The following CD2AP variants were observed in gnomAD, a reference collection of about 807,000 sequenced individuals.
The protein encoded by CD2AP is CD2 associated protein.
CD2AP carries 46 observed loss-of-function variants against 85.1 expected under a neutral mutation model. That is an observed-to-expected ratio of 0.54 (90% confidence interval 0.43 to 0.69). The LOEUF (loss-of-function observed/expected upper bound fraction) is 0.69. CD2AP is among the 30% of genes least tolerant of loss of function. The probability of loss-of-function intolerance (pLI) is 0.00; values close to 1 mark genes in which losing one functional copy is unlikely to be tolerated. For missense variants in CD2AP, 769 were observed against 729.5 expected (o/e 1.05, Z -0.62); for synonymous variants, 255 against 252.9 (o/e 1.01, Z -0.08).
Position 47,576,322 on chromosome 6 carries a change from A to G in CD2AP, c.730-202A>G, listed in dbSNP as rs113186443. Among the ~76,000 whole-genome samples, 2,377 of 152,278 alleles carry G rather than the reference A, an allele frequency of 0.016. 43 individuals are homozygous for G. The highest frequency in any genetic ancestry group is 0.038 in the African/African-American group (1,593 of 41,562). Reference sequence around the variant, plus strand: ...GAGAATATTATCTTTGAGACAAGGAATCTTTAAATTGGTAGCTCTGAGCTA... The same window carrying G: ...GAGAATATTATCTTTGAGACAAGGAGTCTTTAAATTGGTAGCTCTGAGCTA... On this transcript the variant is annotated intron_variant, in intron 6 of 17. Transcript: ENST00000359314.
At chr6:47,526,572 A>G (rs939502901) in intron 2 of CD2AP, among the ~76,000 whole-genome samples, 2 of 152,178 alleles carry the variant, frequency 1.3e-5, no homozygotes, top group Admixed American at 1.3e-4. Flanking sequence ...AGGTTCCTAA[A>G]ATGGTTCTAG....
At chr6:47,606,755 A>G (rs1769287471) in intron 14 of CD2AP, among the ~76,000 whole-genome samples, 1 of 152,112 alleles carries the variant, frequency 6.6e-6, no homozygotes, top group African/African-American at 2.4e-5. Flanking sequence ...TGAAATGCAT[A>G]ATAATTATAT....
chr6:47,610,971 A>ATATATATATATATATATATTTTTTTTT, intron 16 of CD2AP, among the ~76,000 whole-genome samples: 5 of 112,908 alleles, frequency 4.4e-5, no homozygotes, highest in Admixed American at 1.8e-4. Context: ...ATATATATGT[A>ATATATATATATATATATATTTTTTTTT]TTTTTTTTTT....
rs900964982 is a variant in CD2AP, at chr6:47,625,221, T to A, written c.*994T>A. On this transcript the variant is annotated 3_prime_UTR_variant, in exon 18 of 18. Transcript: ENST00000359314. ...TAATAGGAAAACAAAACCCAAAGCT[T>A]TTCAGAACTTCAGTGTGAGGTTTCC... The A allele has an allele frequency of 2.0e-5, 3 of 151,888 alleles. No individual in the cohort carries two copies. Among genetic ancestry groups the A allele is most frequent in the Non-Finnish European group, 4.4e-5 (3 of 67,814 alleles). The allele number at this position is 151,888 out of a possible 1,614,324, so 9.4% of individuals were successfully genotyped here. A position where few individuals can be genotyped will look rare whatever the true frequency, so the allele number is the denominator to read the frequency against.
At chr6:47,559,302 G>C (rs932565537) in intron 5 of CD2AP, among the ~76,000 whole-genome samples, 1 of 148,736 alleles carries the variant, frequency 6.7e-6, no homozygotes, top group Non-Finnish European at 1.5e-5. Flanking sequence ...CTTTGTTGCC[G>C]AGCCTGGTGT....
Position 47,612,489 on chromosome 6 carries a change from C to A in CD2AP, c.1831C>A (p.Leu611Met). The A allele has an allele frequency of 6.2e-7, 1 of 1,604,414 alleles. No homozygotes were observed. Among genetic ancestry groups the A allele is most frequent in the Non-Finnish European group, 8.5e-7 (1 of 1,171,716 alleles). ...KKDHGKELEK[L>M]RKDLEEEKTM... Reference sequence around the variant, plus strand: ...TGTTTTTAGGAAAGAACTGGAAAAACTGCGAAAAGATTTGGAAGAAGAGAA... The same window carrying A: ...TGTTTTTAGGAAAGAACTGGAAAAAATGCGAAAAGATTTGGAAGAAGAGAA... The change falls in exon 17 of 18, where the codon CTG (leucine) becomes ATG (methionine). Residue 611 changes from leucine to methionine, a missense_variant. Transcript: ENST00000359314.
At chr6:47,617,133 T>G (rs916114500) in intron 17 of CD2AP, among the ~76,000 whole-genome samples, 1 of 151,978 alleles carries the variant, frequency 6.6e-6, no homozygotes, top group African/African-American at 2.4e-5. Context: ...CCTGGTTAAT[T>G]TTTCAGTTTT....
Position 47,489,967 on chromosome 6 carries a change from CTTTTTTTTT to C in CD2AP, c.4+11734_4+11742del, listed in dbSNP as rs71684059. On this transcript the variant is annotated intron_variant, in intron 1 of 17. Transcript: ENST00000359314. ...TGAGTAACTATTTTCTCTAAAGAGA[CTTTTTTTTT>C]TTTTTTTTTTTTTTAAAGGAACAGG... 2.9e-3 allele frequency among the ~76,000 whole-genome samples: 349 copies of C among 121,686 alleles called. 1 individual carries two copies. The highest frequency in any genetic ancestry group is 0.012 in the Middle Eastern group (3 of 258). The allele number at this position is 121,686 out of a possible 152,430, so 79.8% of individuals were successfully genotyped here.
rs1251792858 is a variant in CD2AP, at chr6:47,626,240, CAGAAT to C, written c.*2018_*2022del. On this transcript the variant is annotated 3_prime_UTR_variant, in exon 18 of 18. Coordinates refer to ENST00000359314, the MANE Select transcript of CD2AP (RefSeq NM_012120.3). ...AGTTTTTGCTTGTGTCCTCCTCAGT[CAGAAT>C]AGAAAAGTAACTGAAATACTTTTAC... 2 of 151,982 alleles carry C rather than the reference CAGAAT, an allele frequency of 1.3e-5. No individual in the cohort carries two copies. Among genetic ancestry groups the C allele is most frequent in the Non-Finnish European group, 2.9e-5 (2 of 67,812 alleles). The allele number at this position is 151,982 out of a possible 1,614,324, so 9.4% of individuals were successfully genotyped here.
At chr6:47,517,472 G>A (rs1366735253) in intron 2 of CD2AP, among the ~76,000 whole-genome samples, 8 of 151,720 alleles carry the variant, frequency 5.3e-5, no homozygotes, top group African/African-American at 1.2e-4. Context: ...TCTATTTTTT[G>A]TGGAGGTGGG....
rs1767627899 is a variant in CD2AP at position 47,554,655 on chromosome 6, G to C, written c.430G>C (p.Gly144Arg). The C allele has an allele frequency of 1.2e-6, 2 of 1,613,582 alleles. No individual in the cohort carries two copies. The highest frequency in any genetic ancestry group is 2.7e-5 in the African/African-American group (2 of 74,902). Residue 144 changes from glycine (G) to arginine (R), a missense_variant, in exon 5 of 18, where the codon GGC becomes CGC. Coordinates refer to ENST00000359314, the MANE Select transcript of CD2AP (RefSeq NM_012120.3). ...TTGTGAACTTTTTCAGGTAGAAGAA[G>C]GCTGGTGGAGTGGAACCCTGAATAA... Reference protein sequence around the residue: ...IIDINEEVEEGWWSGTLNNKL... With the variant: ...IIDINEEVEERWWSGTLNNKL...
intron 16 of CD2AP, among the ~76,000 whole-genome samples, chr6:47,609,707 A>C (rs902015475): frequency 2.6e-5 from 4 of 151,934 alleles, no homozygotes; most frequent in African/African-American, 9.7e-5. Flanking sequence ...CTCAAAAAAA[A>C]GTCTCTGGTA....
rs867025019 is a variant in CD2AP at position 47,627,179 on chromosome 6, A to C, written c.*2952A>C. 1 of 152,452 alleles carries C rather than the reference A, an allele frequency of 6.6e-6. No individual in the cohort carries two copies. Among genetic ancestry groups the C allele is most frequent in the East Asian group, 1.9e-4 (1 of 5,204 alleles). The allele number at this position is 152,452 out of a possible 1,614,324, so 9.4% of individuals were successfully genotyped here. On this transcript the variant is annotated 3_prime_UTR_variant, in exon 18 of 18. Transcript: ENST00000359314. ...TTGGTTATTTTTTGTTAACTTTAGC[A>C]TTTGTGTATTTCAGAGTATGATGAA... is the stretch of plus-strand genomic sequence containing the variant.
At chr6:47,598,101 A>T (rs1476994537) in intron 12 of CD2AP, among the ~76,000 whole-genome samples, 1 of 151,118 alleles carries the variant, frequency 6.6e-6, no homozygotes, top group African/African-American at 2.4e-5. Flanking sequence ...ACATGAATAG[A>T]CAGTTCTCAA....
chr6:47,598,842 TCAC>T (rs1187740483), intron 12 of CD2AP, among the ~76,000 whole-genome samples: 1 of 150,150 alleles, frequency 6.7e-6, no homozygotes, highest in Non-Finnish European at 1.5e-5. Flanking sequence ...ATCTTAGAAA[TCAC>T]CACTAAAGAG....
At chr6:47,552,519 A>G (rs1482226392) in intron 4 of CD2AP, among the ~76,000 whole-genome samples, 1 of 152,114 alleles carries the variant, frequency 6.6e-6, no homozygotes, top group Non-Finnish European at 1.5e-5. Flanking sequence ...ATGTGTGTGT[A>G]TATATACACA....
intron 5 of CD2AP, chr6:47,562,967 C>T: frequency 2.0e-6 from 1 of 496,692 alleles, no homozygotes. Context: ...AGGACTATGG[C>T]AAAGAATCTT....
chr6:47,601,269 CAG>C (rs1379890186), intron 13 of CD2AP, among the ~76,000 whole-genome samples: 1 of 151,812 alleles, frequency 6.6e-6, no homozygotes, highest in African/African-American at 2.4e-5. Context: ...CTTTGTGGAA[CAG>C]GGTGTGAAAA....
chr6:47,613,577 C>T (rs897476381), intron 17 of CD2AP, among the ~76,000 whole-genome samples: 3 of 151,434 alleles, frequency 2.0e-5, no homozygotes, highest in Non-Finnish European at 2.9e-5. Flanking sequence ...ATGCTGTAAA[C>T]AGATGTGCTG....
Sources: allele counts gnomAD v4.1 joint callset (sites outside exome capture counted in the v4.1 genomes callset), GRCh38; gene constraint gnomAD v4.1.1; transcripts MANE v1.5; gene names NCBI Gene and HGNC (gene_info 2026-07-23, HGNC 2026-07-21).